SORCS3: variants seen among roughly 807,000 people sequenced by gnomAD.
SORCS3 encodes the protein VPS10 domain-containing receptor SorCS3.
Under a neutral mutation model 146.3 loss-of-function variants are expected in SORCS3, and 57 were observed. That is an observed-to-expected ratio of 0.39 (90% confidence interval 0.31 to 0.49). The LOEUF is 0.49. SORCS3 is among the 20% of genes least tolerant of loss of function. The pLI is 0.92. For synonymous variants in SORCS3, 653 were observed against 618.5 expected, an observed-to-expected ratio of 1.06 and a Z score of -0.83; for missense variants, 1,341 against 1,575.5, an observed-to-expected ratio of 0.85 and a Z score of 2.52.
rs548319265 is a variant in SORCS3 at position 105,064,807 on chromosome 10, C to A, written c.1028+21679C>A. ...CAGGCCCCCAGCCCACTGAGTGATGCCTGCCCATAGTGAGGGCAGATCTTC... is the reference window on the plus strand; with the variant it reads ...CAGGCCCCCAGCCCACTGAGTGATGACTGCCCATAGTGAGGGCAGATCTTC... On this transcript the variant is annotated intron_variant, in intron 5 of 26. Transcript: ENST00000369701. 3.3e-5 allele frequency among the ~76,000 whole-genome samples: 5 copies of A among 150,930 alleles called. No homozygotes were observed. The East Asian group carries it at 9.7e-4, about 29-fold the overall frequency.
At chr10:105,144,194 G>A (rs1283301842) in intron 8 of SORCS3, among the ~76,000 whole-genome samples, 1 of 152,098 alleles carries the variant, frequency 6.6e-6, no homozygotes, top group Non-Finnish European at 1.5e-5. Flanking sequence ...GCTTTTATGC[G>A]ATACAGATTC....
rs919475992 is a variant in SORCS3 at position 105,178,091 on chromosome 10, T to C, written c.1927T>C (p.Trp643Arg). ...LWVSFDEGHS[W>R]DKYGFTSVPL... ...GGTGAGTTTTGATGAGGGCCACTCT[T>C]GGGACAAGTATGGTTTCACTTCGGT... The change falls in exon 14 of 27, where the codon TGG (tryptophan) becomes CGG (arginine). Residue 643 changes from tryptophan to arginine, a missense_variant. Transcript: ENST00000369701. The C allele has an allele frequency of 6.2e-7, 1 of 1,613,508 alleles. No individual in the cohort carries two copies. The highest frequency in any genetic ancestry group is 8.5e-7 in the Non-Finnish European group (1 of 1,179,772).
chr10:104,688,334 C>T (rs1003061021), intron 1 of SORCS3, among the ~76,000 whole-genome samples: 30 of 152,218 alleles, frequency 2.0e-4, no homozygotes, highest in Middle Eastern at 3.2e-3. Context: ...AAGGGAGCTG[C>T]CCAGGCAGAG....
At chr10:104,735,308 T>A (rs1025306469) in intron 1 of SORCS3, among the ~76,000 whole-genome samples, 1 of 152,112 alleles carries the variant, frequency 6.6e-6, no homozygotes, top group Admixed American at 6.5e-5. Flanking sequence ...TTACTTGGGA[T>A]TCAGGAAACT....
At chr10:105,251,862 G>A (rs1183672777) in intron 22 of SORCS3, among the ~76,000 whole-genome samples, 4 of 151,990 alleles carry the variant, frequency 2.6e-5, no homozygotes, top group Non-Finnish European at 4.4e-5. Flanking sequence ...TCTTAACCAC[G>A]TTTAGTATTT....
At chr10:104,676,178 C>G (rs1486636825) in intron 1 of SORCS3, among the ~76,000 whole-genome samples, 1 of 152,092 alleles carries the variant, frequency 6.6e-6, no homozygotes, top group Admixed American at 6.6e-5. Context: ...GTCTTCATAT[C>G]TTTTATTTAT....
chr10:104,679,960 C>G (rs373738257), intron 1 of SORCS3, among the ~76,000 whole-genome samples: 51 of 152,260 alleles, frequency 3.3e-4, no homozygotes, highest in African/African-American at 1.0e-3. Flanking sequence ...ATATTGTTAT[C>G]TATTTCAGTC....
At chr10:105,257,063 G>A (rs963921517) in intron 25 of SORCS3, 139 bp downstream of exon 25, 20 of 680,598 alleles carry the variant, frequency 2.9e-5, no homozygotes, top group Non-Finnish European at 4.5e-5. Flanking sequence ...ATGGGTAAAA[G>A]CAAGAATGGT....
rs78002020 is a variant in SORCS3, at chr10:105,262,445, G to A, written c.3558G>A (p.Thr1186=). 3,690 of 1,613,978 alleles carry A rather than the reference G, an allele frequency of 2.3e-3. 76 individuals are homozygous for A. In the African/African-American group the frequency reaches 0.042, roughly 18 times the overall value. Residue 1186 remains threonine (T), a synonymous_variant, in exon 26 of 27, where the codon ACG becomes ACA. Coordinates refer to ENST00000369701, the MANE Select transcript of SORCS3 (RefSeq NM_014978.3). ...NAPKITLSDF[T]EPEELLDKEL... ...CCAAAATCACACTCAGTGACTTTAC[G>A]GAGCCTGAGGAGCTGCTGGACAAAG...
intron 1 of SORCS3, among the ~76,000 whole-genome samples, chr10:104,739,447 C>T (rs2016815376): frequency 6.6e-6 from 1 of 152,186 alleles, no homozygotes; most frequent in African/African-American, 2.4e-5. Flanking sequence ...CCATGTTGCC[C>T]AGTGCCAGGT....
At chr10:104,771,154 G>A (rs1189549662) in intron 1 of SORCS3, among the ~76,000 whole-genome samples, 2 of 152,086 alleles carry the variant, frequency 1.3e-5, no homozygotes, top group Admixed American at 1.3e-4. Context: ...CAGCAGTGTC[G>A]GCATCACCTG....
chr10:105,019,560 TCC>T (rs1564736096), intron 4 of SORCS3, among the ~76,000 whole-genome samples: 1 of 152,220 alleles, frequency 6.6e-6, no homozygotes, highest in African/African-American at 2.4e-5. Context: ...CCATGAGGCT[TCC>T]TTCAGTCACC....
At chr10:105,016,759 C>A (rs1157653961) in intron 4 of SORCS3, among the ~76,000 whole-genome samples, 1 of 152,112 alleles carries the variant, frequency 6.6e-6, no homozygotes, top group Admixed American at 6.5e-5. Flanking sequence ...CTGTCCGCCA[C>A]TTCAATCTCT....
chr10:105,106,056 C>A (rs1030945657), intron 7 of SORCS3, among the ~76,000 whole-genome samples: 8 of 152,098 alleles, frequency 5.3e-5, no homozygotes, highest in Non-Finnish European at 4.4e-5. Flanking sequence ...GGGAAGCCTT[C>A]TTTTACATTT....
chr10:104,717,665 A>G (rs1225134169), intron 1 of SORCS3, among the ~76,000 whole-genome samples: 1 of 152,184 alleles, frequency 6.6e-6, no homozygotes, highest in Non-Finnish European at 1.5e-5. Context: ...TGCTTGTGAG[A>G]TAGTCACACC....
chr10:105,086,433 A>G (rs1257094982), intron 5 of SORCS3, among the ~76,000 whole-genome samples: 1 of 134,910 alleles, frequency 7.4e-6, no homozygotes, highest in Admixed American at 8.0e-5. Context: ...AAGGAGAGAG[A>G]TCAGTGTGAG....
chr10:105,100,330 G>C (rs1188362600), intron 6 of SORCS3, among the ~76,000 whole-genome samples: 1 of 152,136 alleles, frequency 6.6e-6, no homozygotes, highest in African/African-American at 2.4e-5. Flanking sequence ...TTTTTACATA[G>C]GGATATCCAA....
intron 2 of SORCS3, among the ~76,000 whole-genome samples, chr10:104,914,986 A>C (rs1175502694): frequency 6.7e-6 from 1 of 148,162 alleles, no homozygotes; most frequent in African/African-American, 2.5e-5. Flanking sequence ...TGGTGGAAAA[A>C]GGGAGGGAGG....
At chr10:104,826,938 G>C (rs1431537601) in intron 1 of SORCS3, among the ~76,000 whole-genome samples, 2 of 152,168 alleles carry the variant, frequency 1.3e-5, no homozygotes, top group African/African-American at 4.8e-5. Flanking sequence ...TTTTCACCAG[G>C]AATAGATTCC....
Sources: gnomAD v4.1 joint callset for allele counts (sites outside exome capture counted in the v4.1 genomes callset) on GRCh38, gnomAD v4.1.1 for gene constraint, MANE v1.5 for transcripts, NCBI Gene and HGNC (gene_info 2026-07-23, HGNC 2026-07-21) for gene names.